The following ABCA13 variants were observed in gnomAD, a reference collection of about 807,000 sequenced individuals.
ABCA13 encodes the protein ATP-binding cassette sub-family A member 13.
A neutral mutation model predicts 478.7 loss-of-function variants in ABCA13; 476 were observed. That is an observed-to-expected ratio of 0.99 (90% CI 0.92 to 1.07). The LOEUF is 1.07. ABCA13 is among the 50% of genes least tolerant of loss of function. ABCA13 has a pLI of 0.00. For missense variants in ABCA13, 6,060 were observed against 5,910.6 expected, an observed-to-expected ratio of 1.03 and a Z score of -0.83; for synonymous variants, 2,252 against 2,158.9, an observed-to-expected ratio of 1.04 and a Z score of -1.20.
rs1382890720 is a variant in ABCA13, at chr7:48,272,463, C to T, written c.2797C>T (p.Leu933Phe). Residue 933 changes from leucine (L) to phenylalanine (F), a missense_variant, in exon 17 of 62, where the codon CTT (leucine) becomes TTT (phenylalanine). By Grantham distance (22) the Leu-to-Phe change is conservative (BLOSUM62 0). Coordinates refer to ENST00000435803, the MANE Select transcript of ABCA13 (RefSeq NM_152701.5). The stretch of plus-strand genomic sequence containing the variant: ...GAATGCATCTGATCTTTTCTCAGCC[C>T]TTTCTGAACCACAAAAACAAGAAGT... ...IRNASDLFSALSEPQKQEVDK... is the reference protein window; with the variant it reads ...IRNASDLFSAFSEPQKQEVDK... The T allele has an allele frequency of 6.2e-7, 1 of 1,613,750 alleles. No individual in the cohort carries two copies. The highest frequency in any genetic ancestry group is 1.1e-5 in the South Asian group (1 of 91,060).
intron 20 of ABCA13, among the ~76,000 whole-genome samples, chr7:48,292,161 G>A (rs1260747429): frequency 1.3e-5 from 2 of 152,062 alleles, no homozygotes; most frequent in African/African-American, 4.8e-5. Flanking sequence ...CCACTCAGAT[G>A]TCAAGCAGGC....
At chr7:48,460,630 G>A (rs767961006) in intron 43 of ABCA13, among the ~76,000 whole-genome samples, 3 of 152,314 alleles carry the variant, frequency 2.0e-5, no homozygotes, top group Non-Finnish European at 2.9e-5. Flanking sequence ...GAGTGGGCAT[G>A]AAATTTGGAG....
intron 42 of ABCA13, among the ~76,000 whole-genome samples, chr7:48,449,417 T>C (rs1480839220): frequency 2.6e-5 from 4 of 152,162 alleles, no homozygotes; most frequent in Non-Finnish European, 5.9e-5. Context: ...AATTCAGTAA[T>C]GGTTTGGATA....
chr7:48,321,520 G>T (rs180714019), intron 27 of ABCA13, among the ~76,000 whole-genome samples: 1 of 152,014 alleles, frequency 6.6e-6, no homozygotes. Flanking sequence ...TGTGTAGGCC[G>T]GCCCTGAGCT....
intron 23 of ABCA13, among the ~76,000 whole-genome samples, chr7:48,302,763 G>C (rs1800329511): frequency 6.6e-6 from 1 of 152,116 alleles, no homozygotes; most frequent in Non-Finnish European, 1.5e-5. Context: ...CATTTAGGTT[G>C]GTTTCATGTC....
At chr7:48,391,298 A>G (rs1284671778) in intron 37 of ABCA13, among the ~76,000 whole-genome samples, 2 of 152,226 alleles carry the variant, frequency 1.3e-5, no homozygotes, top group Non-Finnish European at 2.9e-5. Flanking sequence ...GTTGAATGTT[A>G]TCATCTTAAA....
intron 53 of ABCA13, 61 bp from the exon 54 acceptor site, chr7:48,524,187 C>T (rs1832739276): frequency 1.3e-6 from 2 of 1,503,088 alleles, no homozygotes; most frequent in Non-Finnish European, 1.8e-6. Flanking sequence ...CTTTTTGCCT[C>T]TTCTAGACTA....
Position 48,274,143 on chromosome 7 carries a change from T to C in ABCA13, c.4477T>C (p.Leu1493=), listed in dbSNP as rs768792491. 1 of 1,609,246 alleles carries C rather than the reference T, an allele frequency of 6.2e-7. No homozygotes were observed. Among genetic ancestry groups the C allele is most frequent in the Non-Finnish European group, 8.5e-7 (1 of 1,177,092 alleles). ...TAAATTTGAGATTTTATTAGCTCTTTTAAATGATTCCACAAAGCAAGTAAG... is the reference window on the plus strand; with the variant it reads ...TAAATTTGAGATTTTATTAGCTCTTCTAAATGATTCCACAAAGCAAGTAAG... The part of the protein sequence containing the change: ...KPKFEILLAL[L]NDSTKQVRMS... The change falls in exon 17 of 62, where the codon TTA becomes CTA. Residue 1493 remains leucine (L), a synonymous_variant. Transcript: ENST00000435803.
At chr7:48,622,309 A>G (rs1793213881) in intron 59 of ABCA13, among the ~76,000 whole-genome samples, 1 of 151,918 alleles carries the variant, frequency 6.6e-6, no homozygotes, top group African/African-American at 2.4e-5. Context: ...TCTACTTCTC[A>G]GTTTCTCTAG....
At chr7:48,427,991 G>A (rs1010148481) in intron 42 of ABCA13, 120 bp downstream of exon 42, 1 of 587,154 alleles carries the variant, frequency 1.7e-6, no homozygotes, top group Non-Finnish European at 2.8e-6. Context: ...AGATGTGAGT[G>A]TATAGTGAGG....
intron 58 of ABCA13, 66 bp from the exon 59 acceptor site, chr7:48,615,219 A>G: frequency 3.5e-6 from 4 of 1,148,506 alleles, no homozygotes; most frequent in Non-Finnish European, 4.6e-6. Context: ...TTTGTTTTGA[A>G]AAGTTTGACT....
intron 47 of ABCA13, among the ~76,000 whole-genome samples, chr7:48,487,308 C>CAAAAAAAAAAAAA (rs201286870): frequency 9.9e-5 from 11 of 110,840 alleles, no homozygotes; most frequent in South Asian, 6.4e-4. Flanking sequence ...AACTGTGTCT[C>CAAAAAAAAAAAAA]AAAAAAAAAA....
At chr7:48,332,038 C>A (rs1341193085) in intron 27 of ABCA13, among the ~76,000 whole-genome samples, 1 of 152,170 alleles carries the variant, frequency 6.6e-6, no homozygotes, top group Admixed American at 6.5e-5. Flanking sequence ...TAGCATAATT[C>A]CCTAGAGTAG....
chr7:48,278,183 C>T lies in ABCA13; in HGVS notation c.6989C>T (p.Ser2330Leu). The stretch of plus-strand genomic sequence containing the variant: ...CAAGACAGATTGATGAACATTTTTT[C>T]AAGTTTAAAGGAGACTATATATCAC... ...MIQDRLMNIF[S>L]SLKETIYHLM... Residue 2330 changes from serine to leucine, a missense_variant, in exon 18 of 62, where the codon TCA (serine) becomes TTA (leucine). Ser to Leu is a moderately radical substitution (Grantham distance 145). Transcript: ENST00000435803. 4 of 1,565,614 alleles carry T rather than the reference C, an allele frequency of 2.6e-6. No individual in the cohort carries two copies. Among genetic ancestry groups the T allele is most frequent in the Non-Finnish European group, 3.5e-6 (4 of 1,156,174 alleles).
In ABCA13 at chr7:48,628,847, C is replaced by T. The variant is rs117135817; in HGVS notation, c.14837+13470C>T. Reference sequence around the variant, plus strand: ...TAGTACATGGCAGCTTTTTGCTTAACGGGAATTCCTTTCAGAATGCTGCAA... The same window carrying T: ...TAGTACATGGCAGCTTTTTGCTTAATGGGAATTCCTTTCAGAATGCTGCAA... On this transcript the variant is annotated intron_variant, in intron 59 of 61. Coordinates refer to ENST00000435803, the MANE Select transcript of ABCA13 (RefSeq NM_152701.5). Among the ~76,000 whole-genome samples, 104 of 152,230 alleles carry T rather than the reference C, an allele frequency of 6.8e-4. 1 individual carries two copies. In the East Asian group the frequency reaches 0.014, roughly 21 times the overall value.
intron 21 of ABCA13, among the ~76,000 whole-genome samples, chr7:48,296,487 T>G (rs1472759301): frequency 6.7e-6 from 1 of 149,620 alleles, no homozygotes; most frequent in Non-Finnish European, 1.5e-5. Context: ...TGAGATGGAG[T>G]CTCGCTCTGT....
chr7:48,274,278 A>C lies in ABCA13; in HGVS notation c.4612A>C (p.Asn1538His). ...AATAGAAATGTCAGATGAAATTCCTAATCAGTTTCAAAATATTTGGCTTCA... is the reference window on the plus strand; with the variant it reads ...AATAGAAATGTCAGATGAAATTCCTCATCAGTTTCAAAATATTTGGCTTCA... ...RPIEMSDEIP[N>H]QFQNIWLHLI... The change falls in exon 17 of 62, where the codon AAT becomes CAT. Residue 1538 changes from asparagine (N) to histidine (H), a missense_variant. Asn to His is a moderately conservative substitution (Grantham distance 68, BLOSUM62 1). Coordinates refer to ENST00000435803, the MANE Select transcript of ABCA13 (RefSeq NM_152701.5). The C allele has an allele frequency of 6.2e-7, 1 of 1,613,200 alleles. No individual in the cohort carries two copies. Among genetic ancestry groups the C allele is most frequent in the Non-Finnish European group, 8.5e-7 (1 of 1,179,554 alleles).
intron 55 of ABCA13, among the ~76,000 whole-genome samples, chr7:48,576,591 A>G (rs1207318297): frequency 1.3e-5 from 2 of 152,184 alleles, no homozygotes; most frequent in African/African-American, 4.8e-5. Context: ...CTGAGACATG[A>G]TTGTGGGAAT....
At chr7:48,308,660 G>A (rs2361520) in intron 23 of ABCA13, among the ~76,000 whole-genome samples, 74,226 of 151,600 alleles carry the variant, frequency 0.49, 18,497 homozygotes, top group East Asian at 0.78. Flanking sequence ...GACTACCACC[G>A]TATATGTGGT....
Sources: allele counts gnomAD v4.1 joint callset (sites outside exome capture counted in the v4.1 genomes callset), GRCh38; gene constraint gnomAD v4.1.1; transcripts MANE v1.5; gene names NCBI Gene and HGNC (gene_info 2026-07-23, HGNC 2026-07-21).